MCF2L: variants seen among roughly 807,000 people sequenced by gnomAD.
MCF2L encodes the protein guanine nucleotide exchange factor DBS.
Under a neutral mutation model 153.4 loss-of-function variants are expected in MCF2L, and 97 were observed. The ratio of observed to expected loss-of-function variants is 0.63; its 90% CI spans 0.54 to 0.75. The LOEUF is 0.75. MCF2L is among the 30% of genes least tolerant of loss of function. MCF2L has a pLI of 0.00. For missense variants in MCF2L, 1,347 were observed against 1,495.2 expected (o/e 0.90, Z 1.64); for synonymous variants, 659 against 632.2 (o/e 1.04, Z -0.64).
rs1812309367 is a variant in MCF2L, at chr13:113,078,503, T to C, written c.1734+67T>C. The stretch of plus-strand genomic sequence containing the variant: ...CCTTGGTTCACGCTGGGCCTGGTTC[T>C]CCGTGTGGCCCCCCCTCCCGGGCAC... On this transcript the variant is annotated intron_variant, in intron 14 of 29. Coordinates refer to ENST00000535094, the MANE Select transcript of MCF2L (RefSeq NM_001112732.3). The C allele has an allele frequency of 1.6e-5, 23 of 1,466,080 alleles. No homozygotes were observed. In the South Asian group the frequency reaches 2.6e-4, roughly 17 times the overall value. The allele number at this position is 1,466,080 out of a possible 1,614,324, so 90.8% of individuals were successfully genotyped here. A position where few individuals can be genotyped will look rare whatever the true frequency, so the allele number is the denominator to read the frequency against.
At chr13:113,090,686 G>A (rs1283721151) in intron 26 of MCF2L, 18 of 985,372 alleles carry the variant, frequency 1.8e-5, no homozygotes, top group Non-Finnish European at 2.2e-5. Flanking sequence ...AGCCGGCCCT[G>A]GCGTGCAGGC....
In MCF2L at chr13:112,993,578, T is replaced by C. The variant is rs1228648214; in HGVS notation, c.80-21185T>C. ...AGTGGGAGGGGAGGGGGAGGGTGCC[T>C]GGAGAGAGGTTTCAGGGCAGGAGGG... On this transcript the variant is annotated intron_variant, in intron 1 of 29. Transcript: ENST00000535094. This position sits in a 1 kb window ranked among gnomAD's most constrained non-coding sequence, Gnocchi z 4.6. Among the ~76,000 whole-genome samples, 1 of 151,190 alleles carries C rather than the reference T, an allele frequency of 6.6e-6. No individual in the cohort carries two copies. The highest frequency in any genetic ancestry group is 1.5e-5 in the Non-Finnish European group (1 of 67,774).
At chr13:112,897,556 T>C (rs1457934553) in intron 1 of MCF2L, among the ~76,000 whole-genome samples, 1 of 152,248 alleles carries the variant, frequency 6.6e-6, no homozygotes, top group East Asian at 1.9e-4. Context: ...TAAGTCCCTG[T>C]TGGGGGCCAT....
chr13:113,003,834 T>C (rs1566718509), intron 1 of MCF2L, among the ~76,000 whole-genome samples: 1 of 152,156 alleles, frequency 6.6e-6, no homozygotes, highest in Non-Finnish European at 1.5e-5. Context: ...TGGAAGGAAC[T>C]TGCCACCTGT....
intron 9 of MCF2L, among the ~76,000 whole-genome samples, chr13:113,072,670 C>T (rs774197798): frequency 6.6e-6 from 1 of 152,124 alleles, no homozygotes; most frequent in Non-Finnish European, 1.5e-5. Flanking sequence ...ATCTTTTTGA[C>T]GTCTGCAGGG....
At chr13:113,055,537 C>T (rs753003980) in intron 4 of MCF2L, among the ~76,000 whole-genome samples, 28 of 152,030 alleles carry the variant, frequency 1.8e-4, no homozygotes, top group South Asian at 8.3e-4. Flanking sequence ...CGTGATTCAT[C>T]GCACCATCAG....
Position 113,064,399 on chromosome 13 carries a change from C to T in MCF2L, c.585C>T (p.Ser195=). The change falls in exon 6 of 30, where the codon TCC becomes TCT. Residue 195 remains serine, a synonymous_variant. Coordinates refer to ENST00000535094, the MANE Select transcript of MCF2L (RefSeq NM_001112732.3). This position sits in a 1 kb window ranked among gnomAD's most constrained non-coding sequence, Gnocchi z 6.0. ...DLGGTLDYCH[S]RWLCQRTAIE... is the part of the protein sequence containing the mutation. ...GTGGGACCCTGGACTACTGCCACTC[C>T]CGGTGGCTGTGCCAGCGCACGGTGA... is the stretch of plus-strand genomic sequence containing the variant. 1 of 1,611,968 alleles carries T rather than the reference C, an allele frequency of 6.2e-7. No homozygotes were observed. The highest frequency in any genetic ancestry group is 8.5e-7 in the Non-Finnish European group (1 of 1,179,392).
intron 1 of MCF2L, chr13:112,979,725 A>G: frequency 6.2e-7 from 1 of 1,612,480 alleles, no homozygotes; most frequent in Non-Finnish European, 8.5e-7. Flanking sequence ...ACTGCCCAGG[A>G]GGCGCCGGGG....
chr13:112,971,468 C>A (rs970349957), intron 1 of MCF2L, among the ~76,000 whole-genome samples: 4 of 152,182 alleles, frequency 2.6e-5, no homozygotes, highest in African/African-American at 9.7e-5. Context: ...TGAGGGATTG[C>A]GTACAGCGGC....
At chr13:112,973,197 C>A (rs1053332452) in intron 1 of MCF2L, among the ~76,000 whole-genome samples, 1 of 152,198 alleles carries the variant, frequency 6.6e-6, no homozygotes. Context: ...CCCTCTCACG[C>A]CTCTGCCTTC....
rs1293656766 is a variant in MCF2L at position 113,035,629 on chromosome 13, C to T, written c.279-9642C>T. Reference sequence around the variant, plus strand: ...CCCAGGACAGCTTCGTGGCCGGCCGCCTCCATGGATTCGGGTGGGCACAGG... The same window carrying T: ...CCCAGGACAGCTTCGTGGCCGGCCGTCTCCATGGATTCGGGTGGGCACAGG... On this transcript the variant is annotated intron_variant, in intron 3 of 29. Coordinates refer to ENST00000535094, the MANE Select transcript of MCF2L (RefSeq NM_001112732.3). The surrounding 1 kb of genome is among the most constrained non-coding windows in gnomAD (Gnocchi z 4.4). Among the ~76,000 whole-genome samples, 7 of 152,208 alleles carry T rather than the reference C, an allele frequency of 4.6e-5. No individual in the cohort carries two copies. The highest frequency in any genetic ancestry group is 6.5e-5 in the Admixed American group (1 of 15,284).
In MCF2L at chr13:113,090,309, C is replaced by T. The variant is rs982044780; in HGVS notation, c.2953+581C>T. The T allele has an allele frequency of 6.7e-5, 82 of 1,227,370 alleles. 1 individual carries two copies. The Middle Eastern group carries it at 1.0e-3, about 16-fold the overall frequency. 76.0% of individuals were successfully genotyped at this position (1,227,370 alleles called of 1,614,324 possible). ...TCACGTGTTCCCTGATGCTGTGTCT[C>T]GCGCACAGACACCAGAGTTATTTAG... On this transcript the variant is annotated intron_variant, in intron 26 of 29. Coordinates refer to ENST00000535094, the MANE Select transcript of MCF2L (RefSeq NM_001112732.3).
chr13:112,991,300 G>A (rs183070469), intron 1 of MCF2L, among the ~76,000 whole-genome samples: 19 of 149,994 alleles, frequency 1.3e-4, no homozygotes, highest in African/African-American at 3.7e-4. Flanking sequence ...TTTGGGGGGC[G>A]TCTCCCAGGA....
intron 1 of MCF2L, among the ~76,000 whole-genome samples, chr13:112,986,260 A>G (rs2140939399): frequency 6.6e-6 from 1 of 152,366 alleles, no homozygotes; most frequent in African/African-American, 2.4e-5. Context: ...CCCGGGGCCC[A>G]GAGTGCTGAG....
chr13:113,059,956 C>T (rs762968361), intron 4 of MCF2L, among the ~76,000 whole-genome samples: 3 of 152,262 alleles, frequency 2.0e-5, no homozygotes, highest in Non-Finnish European at 4.4e-5. Flanking sequence ...AACAAAGTAA[C>T]TACAGACTGA....
intron 26 of MCF2L, among the ~76,000 whole-genome samples, chr13:113,091,369 G>A (rs559871405): frequency 5.4e-4 from 83 of 152,324 alleles, no homozygotes; most frequent in African/African-American, 1.9e-3. Context: ...ACAGGTCCTC[G>A]AGGACAGCAC....
In MCF2L at chr13:113,083,997, G is replaced by T; in HGVS notation, c.1992-1G>T. 1 of 1,612,980 alleles carries T rather than the reference G, an allele frequency of 6.2e-7. No homozygotes were observed. Among genetic ancestry groups the T allele is most frequent in the Non-Finnish European group, 8.5e-7 (1 of 1,178,984 alleles). The stretch of plus-strand genomic sequence containing the variant: ...ACTACTTAAAAACCTTCTTTGTCTA[G>T]GATATTCCTCAGGGAGCTGGAAAAC... On this transcript the variant is annotated splice_acceptor_variant, in intron 17 of 29. Transcript: ENST00000535094. LOFTEE classifies it high-confidence loss of function.
chr13:112,899,874 C>T (rs757840750), intron 1 of MCF2L, among the ~76,000 whole-genome samples: 3 of 152,200 alleles, frequency 2.0e-5, no homozygotes, highest in Non-Finnish European at 4.4e-5. Context: ...GGATCTTTTC[C>T]ACCGTATCTT....
intron 2 of MCF2L, among the ~76,000 whole-genome samples, chr13:113,017,317 T>G (rs368465612): frequency 6.6e-6 from 1 of 152,226 alleles, no homozygotes; most frequent in African/African-American, 2.4e-5. Flanking sequence ...CGGAGGCTCC[T>G]CCTGCTTTGG....
Sources: gnomAD v4.1 joint callset for allele counts (sites outside exome capture counted in the v4.1 genomes callset) on GRCh38, gnomAD v4.1.1 for gene constraint, Gnocchi (gnomAD v3.1) non-coding constraint, MANE v1.5 for transcripts, NCBI Gene and HGNC (gene_info 2026-07-23, HGNC 2026-07-21) for gene names.